GPR176: variants seen among roughly 807,000 people sequenced by gnomAD.
GPR176 encodes the protein G protein-coupled receptor 176, also known as G-protein coupled receptor 176.
GPR176 carries 26 observed loss-of-function variants against 35.4 expected under a neutral mutation model. That is an observed-to-expected ratio of 0.74 (90% CI 0.54 to 1.02). The LOEUF is 1.02. GPR176 is among the 50% of genes least tolerant of loss of function. GPR176 has a pLI of 0.00. For synonymous variants in GPR176, 278 were observed against 271.3 expected, an observed-to-expected ratio of 1.02 and a Z score of -0.24; for missense variants, 597 against 665.3, an observed-to-expected ratio of 0.90 and a Z score of 1.13.
At chr15:39,808,321 C>A in intron 1 of GPR176, among the ~76,000 whole-genome samples, 1 of 152,184 alleles carries the variant, frequency 6.6e-6, no homozygotes, top group Admixed American at 6.5e-5. Flanking sequence ...AATCTCATAC[C>A]TTCCTTCCCC....
intron 1 of GPR176, among the ~76,000 whole-genome samples, chr15:39,870,611 C>T (rs2032009196): frequency 6.6e-6 from 1 of 152,050 alleles, no homozygotes; most frequent in Non-Finnish European, 1.5e-5. Context: ...CTAAATTGAG[C>T]CCCCCAGATT....
chr15:39,854,842 G>T (rs369679733), intron 1 of GPR176, among the ~76,000 whole-genome samples: 4 of 151,972 alleles, frequency 2.6e-5, no homozygotes, highest in Admixed American at 6.6e-5. Flanking sequence ...TTCAAGACCA[G>T]CCTGGGAAAC....
At chr15:39,892,139 T>A (rs183362344) in intron 1 of GPR176, among the ~76,000 whole-genome samples, 13 of 152,174 alleles carry the variant, frequency 8.5e-5, no homozygotes, top group Admixed American at 8.5e-4. Context: ...AAGCACCCCA[T>A]CCTTAGGAAT....
At chr15:39,899,481 G>A (rs1182372226) in intron 1 of GPR176, among the ~76,000 whole-genome samples, 2 of 152,238 alleles carry the variant, frequency 1.3e-5, no homozygotes, top group African/African-American at 4.8e-5. Context: ...ATTGATGTAT[G>A]AGAAGTGCCA....
chr15:39,804,858 T>C (rs1009552836), intron 2 of GPR176, among the ~76,000 whole-genome samples: 1 of 152,218 alleles, frequency 6.6e-6, no homozygotes, highest in African/African-American at 2.4e-5. Context: ...CACTGTATGA[T>C]TCCACCTACA....
At chr15:39,882,765 T>C in intron 1 of GPR176, among the ~76,000 whole-genome samples, 1 of 152,234 alleles carries the variant, frequency 6.6e-6, no homozygotes, top group South Asian at 2.1e-4. Flanking sequence ...CTCAGCATGT[T>C]CTGCAAAGAA....
chr15:39,869,036 C>T (rs1264669848), intron 1 of GPR176, among the ~76,000 whole-genome samples: 3 of 151,298 alleles, frequency 2.0e-5, no homozygotes, highest in South Asian at 2.1e-4. Context: ...CAAATAAGTG[C>T]TTAGTCCTAC....
intron 2 of GPR176, 111 bp downstream of exon 2, chr15:39,806,895 G>A (rs1899224435): frequency 1.1e-6 from 1 of 916,986 alleles, no homozygotes; most frequent in Admixed American, 2.5e-5. Context: ...TTGATCACAA[G>A]CTGACTAAAA....
intron 1 of GPR176, among the ~76,000 whole-genome samples, chr15:39,886,975 A>T (rs747865414): frequency 6.6e-6 from 1 of 152,092 alleles, no homozygotes; most frequent in Non-Finnish European, 1.5e-5. Flanking sequence ...ATACGTTGGG[A>T]CCCCAAGGGA....
rs1899961932 is a variant in GPR176, at chr15:39,817,071, A to AAAAAAAAAAC, written c.173-9814_173-9813insGTTTTTTTTT. Among the ~76,000 whole-genome samples the AAAAAAAAAAC allele has an allele frequency of 1.3e-5, 2 of 150,600 alleles. 1 individual carries two copies. The highest frequency in any genetic ancestry group is 3.0e-5 in the Non-Finnish European group (2 of 67,684). ...GTAACAGAGCAGGATTCTGTCTCAA[A>AAAAAAAAAAC]AAAAAAAAAAAAGCTTTGAAAAACA... On this transcript the variant is annotated intron_variant, in intron 1 of 2. Coordinates refer to ENST00000561100, the MANE Select transcript of GPR176 (RefSeq NM_007223.3).
At chr15:39,805,456 A>C (rs1294756539) in intron 2 of GPR176, among the ~76,000 whole-genome samples, 1 of 152,140 alleles carries the variant, frequency 6.6e-6, no homozygotes, top group Non-Finnish European at 1.5e-5. Context: ...TGGAATTCTA[A>C]ATTTTTTTAT....
rs1398417819 is a variant in GPR176 at position 39,857,801 on chromosome 15, T to C, written c.173-50543A>G. Among the ~76,000 whole-genome samples, 3 of 143,486 alleles carry C rather than the reference T, an allele frequency of 2.1e-5. No individual in the cohort carries two copies. In the South Asian group the frequency reaches 6.5e-4, roughly 31 times the overall value. 94.1% of individuals were successfully genotyped at this position (143,486 alleles called of 152,430 possible). On this transcript the variant is annotated intron_variant, in intron 1 of 2. Transcript: ENST00000561100. ...GCCTAACATGGTGAAACCCCGTCTCTACTAAAAATACAAAAAAAAATTAGC... is the reference window on the plus strand; with the variant it reads ...GCCTAACATGGTGAAACCCCGTCTCCACTAAAAATACAAAAAAAAATTAGC...
At chr15:39,904,635 T>C (rs74776472) in intron 1 of GPR176, among the ~76,000 whole-genome samples, 128 of 152,186 alleles carry the variant, frequency 8.4e-4, no homozygotes, top group African/African-American at 2.9e-3. Flanking sequence ...CACTGTGAAT[T>C]TGTGATTGTT....
intron 1 of GPR176, among the ~76,000 whole-genome samples, chr15:39,818,902 C>T (rs560636282): frequency 2.6e-5 from 4 of 152,194 alleles, no homozygotes; most frequent in Admixed American, 6.6e-5. Flanking sequence ...AAAACTTTCA[C>T]GGCTTCACAA....
At chr15:39,895,836 T>G (rs1192406282) in intron 1 of GPR176, among the ~76,000 whole-genome samples, 4 of 152,198 alleles carry the variant, frequency 2.6e-5, no homozygotes, top group African/African-American at 9.7e-5. Flanking sequence ...AAACTGAAGC[T>G]CAGTTAAATT....
chr15:39,873,133 T>C (rs1029640720), intron 1 of GPR176, among the ~76,000 whole-genome samples: 1 of 152,218 alleles, frequency 6.6e-6, no homozygotes, highest in Non-Finnish European at 1.5e-5. Flanking sequence ...TTAAGCACTA[T>C]ACTTGTATTG....
chr15:39,853,617 C>T (rs2021769986), intron 1 of GPR176, among the ~76,000 whole-genome samples: 2 of 152,116 alleles, frequency 1.3e-5, no homozygotes, highest in Admixed American at 1.3e-4. Context: ...ATTTCTTTCT[C>T]CTCTAGAATA....
intron 1 of GPR176, among the ~76,000 whole-genome samples, 190 bp downstream of exon 1, chr15:39,919,665 C>T (rs1328151985): frequency 1.3e-5 from 2 of 152,190 alleles, no homozygotes; most frequent in Non-Finnish European, 2.9e-5. Flanking sequence ...CTTCTGCTCC[C>T]GCGTGGGGGC....
chr15:39,808,153 G>A (rs1322350960), intron 1 of GPR176, among the ~76,000 whole-genome samples: 1 of 152,110 alleles, frequency 6.6e-6, no homozygotes, highest in Non-Finnish European at 1.5e-5. Context: ...TACCCATTCT[G>A]GTAATTTTCC....
Sources: allele counts gnomAD v4.1 joint callset (sites outside exome capture counted in the v4.1 genomes callset), GRCh38; gene constraint gnomAD v4.1.1; transcripts MANE v1.5; gene names NCBI Gene and HGNC (gene_info 2026-07-23, HGNC 2026-07-21).